SLC25A13: variants seen among roughly 807,000 people sequenced by gnomAD.
SLC25A13 encodes solute carrier family 25 member 13.
Under a neutral mutation model 85.5 loss-of-function variants are expected in SLC25A13, and 70 were observed. The ratio of observed to expected loss-of-function variants is 0.82; its 90% CI spans 0.68 to 1.00. The LOEUF is 1.00. Ranked by LOEUF, SLC25A13 falls within the 50% of genes least tolerant of loss-of-function variation. The probability of loss-of-function intolerance (pLI) is 0.00; values close to 1 mark genes in which losing one functional copy is unlikely to be tolerated. For missense variants in SLC25A13, 765 were observed against 819.8 expected, an observed-to-expected ratio of 0.93 and a Z score of 0.82; for synonymous variants, 259 against 288.7, an observed-to-expected ratio of 0.90 and a Z score of 1.04.
intron 15 of SLC25A13, among the ~76,000 whole-genome samples, chr7:96,130,213 T>C (rs1488330532): frequency 2.6e-5 from 4 of 152,100 alleles, no homozygotes; most frequent in Non-Finnish European, 5.9e-5. Context: ...GAGTTAAAGA[T>C]GGTATTTTTA....
chr7:96,223,788 T>C (rs1266705964), intron 4 of SLC25A13, among the ~76,000 whole-genome samples: 2 of 58,714 alleles, frequency 3.4e-5, no homozygotes, highest in African/African-American at 1.3e-4. Flanking sequence ...ACTCCATCTC[T>C]GAAAAAAAAA....
chr7:96,173,470 G>A (rs1365927520), intron 11 of SLC25A13, among the ~76,000 whole-genome samples: 2 of 152,168 alleles, frequency 1.3e-5, no homozygotes, highest in Non-Finnish European at 2.9e-5. Context: ...CTGTGTTAAT[G>A]TGCAAATGTG....
intron 12 of SLC25A13, 76 bp downstream of exon 12, chr7:96,171,396 T>C: frequency 7.4e-7 from 1 of 1,353,704 alleles, no homozygotes. Flanking sequence ...ACCTGCTGTT[T>C]CCTATAAGAA....
chr7:96,167,598 C>T (rs1193390783), intron 13 of SLC25A13, among the ~76,000 whole-genome samples: 1 of 152,160 alleles, frequency 6.6e-6, no homozygotes, highest in Non-Finnish European at 1.5e-5. Flanking sequence ...AGGTGAGCTC[C>T]CCAGGGACTT....
At chr7:96,283,867 G>T (rs1023928549) in intron 2 of SLC25A13, 2 of 148,570 alleles carry the variant, frequency 1.3e-5, no homozygotes, top group African/African-American at 5.0e-5. Context: ...GTAAAAATGT[G>T]GTGTCCACTC....
intron 3 of SLC25A13, among the ~76,000 whole-genome samples, chr7:96,243,881 C>G (rs923821840): frequency 6.6e-6 from 1 of 152,052 alleles, no homozygotes; most frequent in South Asian, 2.1e-4. Context: ...TAAAAGGATG[C>G]CTGGATTTTA....
intron 1 of SLC25A13, among the ~76,000 whole-genome samples, chr7:96,310,349 C>G (rs761506860): frequency 3.9e-5 from 6 of 152,188 alleles, no homozygotes; most frequent in Admixed American, 6.5e-5. Context: ...GCATGTCCTA[C>G]TTTCTGGATT....
At chr7:96,311,199 T>C (rs922492104) in intron 1 of SLC25A13, among the ~76,000 whole-genome samples, 6 of 152,170 alleles carry the variant, frequency 3.9e-5, no homozygotes, top group Non-Finnish European at 8.8e-5. Flanking sequence ...AAAACCATTA[T>C]GCAAAAAGCT....
chr7:96,308,322 CAGCCTAGCTGA>C (rs1799835286), intron 1 of SLC25A13, among the ~76,000 whole-genome samples: 2 of 152,340 alleles, frequency 1.3e-5, no homozygotes, highest in South Asian at 4.1e-4. Context: ...ATATTCAGAG[CAGCCTAGCTGA>C]TTGAGGCAGC....
chr7:96,254,214 A>G (rs1797539798), intron 3 of SLC25A13, among the ~76,000 whole-genome samples: 1 of 152,192 alleles, frequency 6.6e-6, no homozygotes, highest in African/African-American at 2.4e-5. Flanking sequence ...GGTAAAGCAG[A>G]TTGCCCTCCC....
intron 15 of SLC25A13, among the ~76,000 whole-genome samples, chr7:96,128,939 GCTCT>G (rs58984088): frequency 0.031 from 2,526 of 81,836 alleles, 62 homozygotes; most frequent in Admixed American, 0.094. Flanking sequence ...TGCCTTGCTT[GCTCT>G]CTCTCTCTCT....
Position 96,120,245 on chromosome 7 carries a change from C to CGTGG in SLC25A13, c.*945_*946insCCAC, listed in dbSNP as rs760416565. 2.0e-5 allele frequency: 9 copies of CGTGG among 451,256 alleles called. No homozygotes were observed. The highest frequency in any genetic ancestry group is 3.6e-5 in the Non-Finnish European group (8 of 224,806). The allele number at this position is 451,256 out of a possible 1,614,324, so 28.0% of individuals were successfully genotyped here. A position where few individuals can be genotyped will look rare whatever the true frequency, so the allele number is the denominator to read the frequency against. ...TCACTTTACAAATAGTTTATTTCCA[C>CGTGG]CTTCACAAATTCATGCGCCTCTGAC... On this transcript the variant is annotated 3_prime_UTR_variant, in exon 18 of 18. Transcript: ENST00000265631.
At chr7:96,223,331 G>C (rs1796205028) in intron 4 of SLC25A13, among the ~76,000 whole-genome samples, 1 of 152,178 alleles carries the variant, frequency 6.6e-6, no homozygotes, top group Non-Finnish European at 1.5e-5. Context: ...ATCTTGTTCA[G>C]TGTACTGAAA....
At chr7:96,175,569 C>A (rs1794186938) in intron 11 of SLC25A13, among the ~76,000 whole-genome samples, 1 of 152,172 alleles carries the variant, frequency 6.6e-6, no homozygotes, top group Non-Finnish European at 1.5e-5. Context: ...GGTGGCTCAG[C>A]TGTTTGATGG....
chr7:96,264,878 T>G (rs1285633570), intron 3 of SLC25A13, among the ~76,000 whole-genome samples: 4 of 152,114 alleles, frequency 2.6e-5, no homozygotes, highest in Non-Finnish European at 5.9e-5. Flanking sequence ...AACAGAAAAT[T>G]TAGTGAGAAA....
intron 3 of SLC25A13, among the ~76,000 whole-genome samples, chr7:96,237,314 G>A (rs1796781470): frequency 1.3e-5 from 2 of 152,188 alleles, no homozygotes; most frequent in Admixed American, 1.3e-4. Context: ...GAGGAGGGAA[G>A]GGTAGAGAGA....
At chr7:96,143,070 T>A (rs1412725073) in intron 14 of SLC25A13, among the ~76,000 whole-genome samples, 2 of 152,224 alleles carry the variant, frequency 1.3e-5, no homozygotes, top group Non-Finnish European at 2.9e-5. Flanking sequence ...TTATAGAATT[T>A]GAAAACTTTT....
chr7:96,160,656 T>A (rs1415089307), intron 13 of SLC25A13, among the ~76,000 whole-genome samples: 1 of 152,162 alleles, frequency 6.6e-6, no homozygotes, highest in Non-Finnish European at 1.5e-5. Context: ...CATGACCTAA[T>A]CACCCCCAAA....
intron 13 of SLC25A13, among the ~76,000 whole-genome samples, chr7:96,148,777 C>T (rs1297337361): frequency 2.6e-5 from 4 of 152,140 alleles, no homozygotes; most frequent in African/African-American, 7.2e-5. Flanking sequence ...GCATACAATG[C>T]ATATTCATCC....
Sources: gnomAD v4.1 joint callset for allele counts (sites outside exome capture counted in the v4.1 genomes callset) on GRCh38, gnomAD v4.1.1 for gene constraint, MANE v1.5 for transcripts, NCBI Gene and HGNC (gene_info 2026-07-23, HGNC 2026-07-21) for gene names.